GPC5: variants seen among roughly 807,000 people sequenced by gnomAD.
The protein encoded by GPC5 is glypican 5.
In GPC5, 47 loss-of-function variants were observed where a neutral mutation model predicts 53.9. The ratio of observed to expected loss-of-function variants is 0.87; its 90% CI spans 0.69 to 1.11. The LOEUF (loss-of-function observed/expected upper bound fraction) is 1.11. Among genes scored for constraint, GPC5 ranks in the 50% most tolerant of loss-of-function variants. The pLI is 0.00. For missense variants in GPC5, 748 were observed against 713.1 expected (o/e 1.05, Z -0.56); for synonymous variants, 286 against 263.3 (o/e 1.09, Z -0.84).
intron 7 of GPC5, among the ~76,000 whole-genome samples, chr13:92,472,813 A>G (rs1255403635): frequency 1.3e-5 from 2 of 152,126 alleles, no homozygotes; most frequent in African/African-American, 4.8e-5. Context: ...AGATTTGCTA[A>G]TGACACACTT....
intron 7 of GPC5, among the ~76,000 whole-genome samples, chr13:92,733,849 A>C (rs1237973537): frequency 6.6e-6 from 1 of 151,788 alleles, no homozygotes; most frequent in Non-Finnish European, 1.5e-5. Context: ...ACAGGCCATC[A>C]GTTCTTTTAA....
At chr13:92,023,665 GACACACAC>G (rs367677767) in intron 6 of GPC5, among the ~76,000 whole-genome samples, 2 of 141,120 alleles carry the variant, frequency 1.4e-5, no homozygotes, top group African/African-American at 5.1e-5. Context: ...CTTTGCTGAG[GACACACAC>G]ACACACACAC....
rs529965736 is a variant in GPC5 at position 92,076,887 on chromosome 13, C to A, written c.1402-67943C>A. ...AAGAAATTAAGTAAAATTCTAGCAC[C>A]TTTTAAAGGCCTGAATAGGAAATAT... is the stretch of plus-strand genomic sequence containing the variant. On this transcript the variant is annotated intron_variant, in intron 6 of 7. Transcript: ENST00000377067. Among the ~76,000 whole-genome samples the A allele has an allele frequency of 7.9e-5, 12 of 152,244 alleles. No individual in the cohort carries two copies. The South Asian group carries it at 2.5e-3, about 32-fold the overall frequency.
chr13:92,493,544 G>A lies in GPC5; in HGVS notation c.1561+348555G>A, dbSNP rs569540557. ...GTAGGTTTTGGTTGAGAGGAAGAGCGAGGGGAAAAAATATATATGAATATA... is the reference window on the plus strand; with the variant it reads ...GTAGGTTTTGGTTGAGAGGAAGAGCAAGGGGAAAAAATATATATGAATATA... On this transcript the variant is annotated intron_variant, in intron 7 of 7. Coordinates refer to ENST00000377067, the MANE Select transcript of GPC5 (RefSeq NM_004466.6). 7.9e-5 allele frequency among the ~76,000 whole-genome samples: 12 copies of A among 152,262 alleles called. No individual in the cohort carries two copies. The South Asian group carries it at 2.5e-3, about 32-fold the overall frequency.
At chr13:92,467,844 G>A (rs543604348) in intron 7 of GPC5, among the ~76,000 whole-genome samples, 174 of 152,194 alleles carry the variant, frequency 1.1e-3, no homozygotes, top group Non-Finnish European at 2.2e-3. Context: ...CAGTTTAAAT[G>A]TCTCTCTAAT....
rs7981189 is a variant in GPC5 at position 92,266,572 on chromosome 13, C to T, written c.1561+121583C>T. Among the ~76,000 whole-genome samples the T allele has an allele frequency of 6.5e-3, 986 of 151,972 alleles. 10 individuals are homozygous for T. Among genetic ancestry groups the T allele is most frequent in the African/African-American group, 0.023 (935 of 41,440 alleles). On this transcript the variant is annotated intron_variant, in intron 7 of 7. Transcript: ENST00000377067. ...TCCCTAGCCAGTCTATTTGCTGTTACGTACCTTTCAGAGTCTTCTGATGGA... is the reference window on the plus strand; with the variant it reads ...TCCCTAGCCAGTCTATTTGCTGTTATGTACCTTTCAGAGTCTTCTGATGGA...
chr13:92,361,665 T>C (rs2043568254), intron 7 of GPC5, among the ~76,000 whole-genome samples: 2 of 151,612 alleles, frequency 1.3e-5, no homozygotes, highest in African/African-American at 4.9e-5. Context: ...TGCAGGCAGC[T>C]AAAGAGGAGG....
intron 7 of GPC5, among the ~76,000 whole-genome samples, chr13:92,600,510 T>C (rs1191536012): frequency 6.6e-6 from 1 of 152,152 alleles, no homozygotes; most frequent in Non-Finnish European, 1.5e-5. Context: ...ATTCATTTAT[T>C]CTTTAAGACG....
intron 5 of GPC5, among the ~76,000 whole-genome samples, chr13:91,895,805 A>G (rs1208218794): frequency 6.6e-6 from 1 of 152,138 alleles, no homozygotes; most frequent in Non-Finnish European, 1.5e-5. Context: ...TTCAATCTAC[A>G]GGAATTTGTT....
intron 2 of GPC5, among the ~76,000 whole-genome samples, chr13:91,487,177 G>A (rs1017680975): frequency 3.9e-5 from 6 of 152,150 alleles, no homozygotes; most frequent in African/African-American, 1.4e-4. Flanking sequence ...ACGTGCACAA[G>A]GGGTGGAGAT....
At chr13:92,393,491 A>T (rs1875119982) in intron 7 of GPC5, among the ~76,000 whole-genome samples, 2 of 152,102 alleles carry the variant, frequency 1.3e-5, no homozygotes, top group South Asian at 2.1e-4. Flanking sequence ...CTCTACTAAA[A>T]ATTCAAAATT....
chr13:92,396,579 T>G (rs1875287910), intron 7 of GPC5, among the ~76,000 whole-genome samples: 1 of 152,228 alleles, frequency 6.6e-6, no homozygotes, highest in African/African-American at 2.4e-5. Context: ...TGCAGCCTTG[T>G]TACATAGGTA....
At chr13:92,641,219 A>G (rs1352634260) in intron 7 of GPC5, among the ~76,000 whole-genome samples, 2 of 152,174 alleles carry the variant, frequency 1.3e-5, no homozygotes, top group African/African-American at 4.8e-5. Flanking sequence ...AACCTCACCA[A>G]TAAGAGGCAT....
At chr13:91,439,770 A>G (rs772088005) in intron 1 of GPC5, among the ~76,000 whole-genome samples, 2 of 152,214 alleles carry the variant, frequency 1.3e-5, no homozygotes, top group Non-Finnish European at 2.9e-5. Context: ...TTCAGTGTAT[A>G]TATCTAACTT....
intron 2 of GPC5, among the ~76,000 whole-genome samples, chr13:91,611,724 C>T (rs2033555648): frequency 6.6e-6 from 1 of 152,156 alleles, no homozygotes; most frequent in African/African-American, 2.4e-5. Context: ...TGACTGTCAC[C>T]AGAAACCCTA....
chr13:91,865,214 T>C (rs2039071296), intron 5 of GPC5, among the ~76,000 whole-genome samples: 1 of 152,144 alleles, frequency 6.6e-6, no homozygotes, highest in Non-Finnish European at 1.5e-5. Context: ...TGGCCTGTTT[T>C]TGTCTTAATT....
intron 7 of GPC5, among the ~76,000 whole-genome samples, chr13:92,199,612 A>G (rs1158767244): frequency 6.6e-6 from 1 of 152,176 alleles, no homozygotes; most frequent in Non-Finnish European, 1.5e-5. Context: ...TTATTTTTAC[A>G]CTTTGTATGT....
chr13:92,696,881 A>G lies in GPC5; in HGVS notation c.1562-169401A>G, dbSNP rs1414913953. ...TCTTGAGTCAATTTCTGTATGAGGCATAAGGAAGGGATCCAGTTTCAGCTT... is the reference window on the plus strand; with the variant it reads ...TCTTGAGTCAATTTCTGTATGAGGCGTAAGGAAGGGATCCAGTTTCAGCTT... On this transcript the variant is annotated intron_variant, in intron 7 of 7. Transcript: ENST00000377067. Among the ~76,000 whole-genome samples, 4 of 152,058 alleles carry G rather than the reference A, an allele frequency of 2.6e-5. No individual in the cohort carries two copies. The East Asian group carries it at 7.7e-4, about 29-fold the overall frequency.
At chr13:91,469,975 G>A (rs1407490023) in intron 2 of GPC5, among the ~76,000 whole-genome samples, 1 of 152,120 alleles carries the variant, frequency 6.6e-6, no homozygotes, top group African/African-American at 2.4e-5. Flanking sequence ...GGAGGCAGAG[G>A]TTGCAGTGAG....
Sources: allele counts gnomAD v4.1 joint callset (sites outside exome capture counted in the v4.1 genomes callset), GRCh38; gene constraint gnomAD v4.1.1; transcripts MANE v1.5; gene names NCBI Gene and HGNC (gene_info 2026-07-23, HGNC 2026-07-21).